Variants in MLIP observed in about 807,000 individuals in gnomAD.
MLIP encodes muscular LMNA interacting protein, also known as muscular LMNA-interacting protein.
In MLIP, 79 loss-of-function variants were observed where a neutral mutation model predicts 84.8. The observed-to-expected ratio is 0.93, with a 90% CI of 0.78 to 1.12. MLIP has a LOEUF of 1.12. MLIP is among the 50% of genes most tolerant of loss of function. The pLI is 0.00. For synonymous variants in MLIP, 504 were observed against 463.0 expected, an observed-to-expected ratio of 1.09 and a Z score of -1.14; for missense variants, 1,257 against 1,160.6, an observed-to-expected ratio of 1.08 and a Z score of -1.21.
intron 9 of MLIP, among the ~76,000 whole-genome samples, chr6:54,182,809 A>G (rs1252848600): frequency 2.0e-5 from 3 of 152,218 alleles, no homozygotes; most frequent in Admixed American, 6.5e-5. Flanking sequence ...AAAATAGGGT[A>G]GTATTTGGTC....
At chr6:54,119,517 G>A (rs1357289343) in intron 1 of MLIP, among the ~76,000 whole-genome samples, 1 of 152,148 alleles carries the variant, frequency 6.6e-6, no homozygotes, top group Non-Finnish European at 1.5e-5. Flanking sequence ...GTAAAATAGT[G>A]GTTACCAGAG....
At chr6:54,093,472 T>A (rs1429944383) in intron 1 of MLIP, among the ~76,000 whole-genome samples, 1 of 151,988 alleles carries the variant, frequency 6.6e-6, no homozygotes, top group Non-Finnish European at 1.5e-5. Context: ...AAAACACGGA[T>A]CTAGGCTAGC....
At chr6:54,167,521 T>G (rs1420117783) in intron 8 of MLIP, among the ~76,000 whole-genome samples, 4 of 151,944 alleles carry the variant, frequency 2.6e-5, no homozygotes, top group Admixed American at 6.6e-5. Context: ...TCAGTCTGGT[T>G]CTGAAAAGAC....
chr6:54,163,776 T>G (rs1774896701), intron 8 of MLIP, among the ~76,000 whole-genome samples: 1 of 151,978 alleles, frequency 6.6e-6, no homozygotes, highest in African/African-American at 2.4e-5. Flanking sequence ...TAGATCCTTA[T>G]TTTGCACACA....
At chr6:54,048,550 A>C (rs922382485) in intron 1 of MLIP, among the ~76,000 whole-genome samples, 6 of 152,034 alleles carry the variant, frequency 3.9e-5, no homozygotes, top group Non-Finnish European at 7.4e-5. Context: ...GCTTCGATCT[A>C]CTCTATTCGA....
intron 1 of MLIP, chr6:54,019,184 CCT>C: frequency 7.8e-7 from 1 of 1,288,316 alleles, no homozygotes; most frequent in South Asian, 1.3e-5. Context: ...TGCTAGCCGG[CCT>C]CTGTTTCCAT....
chr6:54,264,423 C>T lies in MLIP; in HGVS notation c.2977-1527C>T, dbSNP rs570050690. Reference sequence around the variant, plus strand: ...GTGAACAACAAAAGCAAATATAAAACGTGGAATAAGCTGGGGTTTAATTTG... The same window carrying T: ...GTGAACAACAAAAGCAAATATAAAATGTGGAATAAGCTGGGGTTTAATTTG... On this transcript the variant is annotated intron_variant, in intron 13 of 13. Coordinates refer to ENST00000502396, the MANE Select transcript of MLIP (RefSeq NM_001281747.2). Among the ~76,000 whole-genome samples the T allele has an allele frequency of 5.3e-5, 8 of 151,922 alleles. No individual in the cohort carries two copies. In the South Asian group the frequency reaches 6.2e-4, roughly 12 times the overall value.
intron 1 of MLIP, among the ~76,000 whole-genome samples, chr6:54,040,771 G>A (rs1460820828): frequency 1.3e-5 from 2 of 152,046 alleles, no homozygotes; most frequent in Non-Finnish European, 2.9e-5. Flanking sequence ...GCAGCAACAT[G>A]GATGGAGCTG....
chr6:54,259,095 C>A (rs75484062), intron 13 of MLIP, among the ~76,000 whole-genome samples: 1,861 of 151,724 alleles, frequency 0.012, 39 homozygotes, highest in African/African-American at 0.043. Context: ...TTCTGTATTT[C>A]TTCTGTTATT....
At chr6:54,250,387 C>G (rs2150866376) in intron 12 of MLIP, among the ~76,000 whole-genome samples, 1 of 152,044 alleles carries the variant, frequency 6.6e-6, no homozygotes, top group South Asian at 2.1e-4. Flanking sequence ...ATAAATCATT[C>G]TATTATAAAG....
chr6:54,215,384 A>T, intron 11 of MLIP: 1 of 1,291,718 alleles, frequency 7.7e-7, no homozygotes, highest in Admixed American at 3.9e-5. Context: ...ACTAATCACC[A>T]TTTCTAATGG....
At chr6:54,259,178 A>T (rs772351444) in intron 13 of MLIP, among the ~76,000 whole-genome samples, 13 of 151,700 alleles carry the variant, frequency 8.6e-5, no homozygotes, top group Non-Finnish European at 1.6e-4. Flanking sequence ...ATTTTTGTTG[A>T]GTGGTAAACT....
intron 11 of MLIP, among the ~76,000 whole-genome samples, chr6:54,218,588 C>T (rs967742134): frequency 2.0e-5 from 3 of 152,138 alleles, no homozygotes; most frequent in East Asian, 1.9e-4. Context: ...GGTGCGATCT[C>T]GGCTCACTGC....
At chr6:54,028,455 T>A (rs1763944567) in intron 1 of MLIP, among the ~76,000 whole-genome samples, 1 of 152,202 alleles carries the variant, frequency 6.6e-6, no homozygotes, top group Non-Finnish European at 1.5e-5. Context: ...TCTGGGGATA[T>A]CATGTCATAG....
chr6:54,132,895 A>C (rs816372), intron 3 of MLIP, among the ~76,000 whole-genome samples: 50,525 of 152,002 alleles, frequency 0.33, 9,087 homozygotes, highest in African/African-American at 0.46. Context: ...GTCCTATTAA[A>C]AAGTGGTATC....
In MLIP at chr6:54,124,711, G is replaced by A; in HGVS notation, c.491G>A (p.Gly164Glu). ...AAAGTTGAACAAGGCCCCCCAGGGG[G>A]GATTGGCACCGCAGCTGTCCGGCCC... ...SRKVEQGPPG[G>E]IGTAAVRPKS... is the part of the protein sequence containing the mutation. Residue 164 changes from glycine (G) to glutamate (E), a missense_variant, in exon 3 of 14, where the codon GGG becomes GAG. By Grantham distance (98) the Gly-to-Glu change is moderately conservative. Coordinates refer to ENST00000502396, the MANE Select transcript of MLIP (RefSeq NM_001281747.2). 2 of 1,614,178 alleles carry A rather than the reference G, an allele frequency of 1.2e-6. No homozygotes were observed. Among genetic ancestry groups the A allele is most frequent in the South Asian group, 1.1e-5 (1 of 91,080 alleles).
At chr6:54,177,527 A>T (rs775178137) in intron 9 of MLIP, among the ~76,000 whole-genome samples, 4 of 152,118 alleles carry the variant, frequency 2.6e-5, no homozygotes, top group Non-Finnish European at 4.4e-5. Flanking sequence ...GGGAATTATT[A>T]AAAAAGTCAA....
At chr6:54,230,530 A>C (rs1031728687) in intron 11 of MLIP, among the ~76,000 whole-genome samples, 184 bp from the exon 12 acceptor site, 11 of 152,158 alleles carry the variant, frequency 7.2e-5, no homozygotes, top group Non-Finnish European at 1.2e-4. Context: ...AATGAAAGGA[A>C]TTTTTGAAAG....
At chr6:54,041,794 T>C (rs72955952) in intron 1 of MLIP, among the ~76,000 whole-genome samples, 7,231 of 152,184 alleles carry the variant, frequency 0.048, 223 homozygotes, top group Middle Eastern at 0.16. Flanking sequence ...AGGCCAGTGT[T>C]TTTTTCATCA....
Sources: gnomAD v4.1 joint callset for allele counts (sites outside exome capture counted in the v4.1 genomes callset) on GRCh38, gnomAD v4.1.1 for gene constraint, MANE v1.5 for transcripts, NCBI Gene and HGNC (gene_info 2026-07-23, HGNC 2026-07-21) for gene names.